The following KAZN variants were observed in gnomAD, a reference collection of about 807,000 sequenced individuals.
KAZN encodes kazrin.
KAZN carries 40 observed loss-of-function variants against 87.4 expected under a neutral mutation model. The observed-to-expected ratio is 0.46, with a 90% CI of 0.36 to 0.60. The LOEUF is 0.60. Among genes scored for constraint, KAZN ranks in the 20% least tolerant of loss-of-function variants. KAZN has a pLI of 0.00. For synonymous variants in KAZN, 466 were observed against 458.3 expected (o/e 1.02, Z -0.22); for missense variants, 898 against 1,073.9 (o/e 0.84, Z 2.29).
Position 15,115,234 on chromosome 1 carries a change from C to G in KAZN, c.*599C>G, listed in dbSNP as rs535093819. ...TTGGGAGAATGCAAAATCCTTCCAC[C>G]TGAAAAGCTCTGTGACACATGGGGG... On this transcript the variant is annotated 3_prime_UTR_variant, in exon 15 of 15. Transcript: ENST00000376030. This position sits in a 1 kb window ranked among gnomAD's most constrained non-coding sequence, Gnocchi z 4.1. 2 of 152,562 alleles carry G rather than the reference C, an allele frequency of 1.3e-5. No homozygotes were observed. Among genetic ancestry groups the G allele is most frequent in the South Asian group, 4.1e-4 (2 of 4,826 alleles). The allele number at this position is 152,562 out of a possible 1,614,324, so 9.5% of individuals were successfully genotyped here.
intron 1 of KAZN, among the ~76,000 whole-genome samples, chr1:14,706,425 C>T (rs762116566): frequency 1.1e-4 from 17 of 151,568 alleles, no homozygotes; most frequent in Non-Finnish European, 4.4e-5. Flanking sequence ...TGTAGGATGA[C>T]TATAGTTTAC....
chr1:13,978,325 T>C (rs1638477650), intron 1 of KAZN, among the ~76,000 whole-genome samples: 1 of 151,922 alleles, frequency 6.6e-6, no homozygotes, highest in Admixed American at 6.6e-5. Context: ...CCACACATCC[T>C]AGGAAATAGG....
At chr1:14,662,265 T>C (rs1011848047) in intron 1 of KAZN, among the ~76,000 whole-genome samples, 6 of 152,116 alleles carry the variant, frequency 3.9e-5, no homozygotes, top group African/African-American at 1.4e-4. Flanking sequence ...TAGGTGTCAG[T>C]GTGGGCACAG....
At chr1:14,201,776 C>A (rs540328006) in intron 2 of KAZN, among the ~76,000 whole-genome samples, 32 of 152,332 alleles carry the variant, frequency 2.1e-4, no homozygotes, top group Middle Eastern at 3.4e-3. Context: ...TGAGGTGATT[C>A]TCCTGCCTTA....
chr1:14,552,242 T>C (rs1459425369), intron 2 of KAZN, among the ~76,000 whole-genome samples: 3 of 152,192 alleles, frequency 2.0e-5, no homozygotes, highest in South Asian at 2.1e-4. Context: ...CCCCTATTAA[T>C]GTATCCTGGG....
At chr1:14,154,667 C>G (rs1277859436) in intron 1 of KAZN, among the ~76,000 whole-genome samples, 1 of 152,090 alleles carries the variant, frequency 6.6e-6, no homozygotes, top group African/African-American at 2.4e-5. Context: ...GAGGTATGTT[C>G]CTTCTATCCC....
At chr1:14,905,939 A>T (rs1460781467) in intron 1 of KAZN, among the ~76,000 whole-genome samples, 1 of 150,316 alleles carries the variant, frequency 6.7e-6, no homozygotes, top group Admixed American at 6.6e-5. Flanking sequence ...GAGGCCAAGG[A>T]GGGCGGATCA....
chr1:14,394,086 A>G (rs1018643405), intron 2 of KAZN, among the ~76,000 whole-genome samples: 2 of 152,190 alleles, frequency 1.3e-5, no homozygotes, highest in Non-Finnish European at 2.9e-5. Context: ...AATGGGCAGG[A>G]CGGAAGAAAA....
intron 2 of KAZN, among the ~76,000 whole-genome samples, chr1:14,225,361 C>T (rs1171437494): frequency 6.6e-6 from 1 of 152,068 alleles, no homozygotes; most frequent in East Asian, 1.9e-4. Flanking sequence ...TTACAAAACA[C>T]AGCTAAAGGA....
chr1:14,660,144 G>A (rs184110638), intron 1 of KAZN, among the ~76,000 whole-genome samples: 209 of 152,286 alleles, frequency 1.4e-3, no homozygotes, highest in Non-Finnish European at 2.4e-3. Context: ...AAGGGAAGTC[G>A]AGATGCCCAA....
At position 14,481,086 on chromosome 1, in the gene KAZN, A is replaced by G. The variant is rs150880167; in HGVS notation, c.250-117897A>G. 3.5e-3 allele frequency among the ~76,000 whole-genome samples: 533 copies of G among 151,816 alleles called. 9 individuals are homozygous for G. The highest frequency in any genetic ancestry group is 0.029 in the East Asian group (148 of 5,158). ...GCATAGCTTTGCTCTGTTTTTTCTA[A>G]CCCAGTTCAGTAGGTGTATAATGAA... is the stretch of plus-strand genomic sequence containing the variant. On this transcript the variant is annotated intron_variant, in intron 2 of 16. Transcript: ENST00000636203.
intron 1 of KAZN, among the ~76,000 whole-genome samples, chr1:14,652,106 AT>A (rs1334758988): frequency 1.3e-5 from 2 of 152,196 alleles, no homozygotes; most frequent in Non-Finnish European, 2.9e-5. Flanking sequence ...GGAATGAAAA[AT>A]CAAAAACAAA....
At chr1:14,699,747 T>C (rs1641818097) in intron 1 of KAZN, among the ~76,000 whole-genome samples, 1 of 152,194 alleles carries the variant, frequency 6.6e-6, no homozygotes, top group Non-Finnish European at 1.5e-5. Flanking sequence ...GACAGCCATC[T>C]CTTCAAACAA....
intron 2 of KAZN, among the ~76,000 whole-genome samples, chr1:14,470,550 T>C (rs1166034175): frequency 6.6e-6 from 1 of 152,218 alleles, no homozygotes; most frequent in Non-Finnish European, 1.5e-5. Flanking sequence ...TTCTCTTAGA[T>C]AGAAGAGCCA....
intron 1 of KAZN, among the ~76,000 whole-genome samples, chr1:14,901,740 C>T (rs574835427): frequency 6.8e-4 from 104 of 152,306 alleles, no homozygotes; most frequent in African/African-American, 2.4e-3. Context: ...GAGAAGCTCC[C>T]GGACAGCCTG....
At chr1:14,084,900 GTA>G (rs745617490) in intron 1 of KAZN, among the ~76,000 whole-genome samples, 4 of 152,102 alleles carry the variant, frequency 2.6e-5, no homozygotes, top group African/African-American at 4.8e-5. Context: ...ACGTGTGTGT[GTA>G]TATGTGTGTG....
At chr1:15,034,533 G>A (rs1672059695) in intron 2 of KAZN, among the ~76,000 whole-genome samples, 1 of 152,222 alleles carries the variant, frequency 6.6e-6, no homozygotes, top group Admixed American at 6.5e-5. Flanking sequence ...ACACAGCTGA[G>A]AGGGGAGAAT....
At chr1:14,571,411 C>T (rs932997405) in intron 2 of KAZN, among the ~76,000 whole-genome samples, 1 of 152,166 alleles carries the variant, frequency 6.6e-6, no homozygotes, top group African/African-American at 2.4e-5. Context: ...TCACTGAATT[C>T]ACTCTGCAAA....
intron 1 of KAZN, among the ~76,000 whole-genome samples, chr1:14,801,766 C>T (rs1240677903): frequency 1.3e-5 from 2 of 151,586 alleles, no homozygotes; most frequent in Non-Finnish European, 1.5e-5. Flanking sequence ...TCACTGCAAG[C>T]TCTGCCTCCC....
Sources: gnomAD v4.1 joint callset for allele counts (sites outside exome capture counted in the v4.1 genomes callset) on GRCh38, gnomAD v4.1.1 for gene constraint, Gnocchi (gnomAD v3.1) non-coding constraint, MANE v1.5 for transcripts, NCBI Gene and HGNC (gene_info 2026-07-23, HGNC 2026-07-21) for gene names.